The following ASPA variants were observed in gnomAD, a reference collection of about 807,000 sequenced individuals.
The protein encoded by ASPA is aspartoacylase.
Under a neutral mutation model 29.6 loss-of-function variants are expected in ASPA, and 25 were observed. That is an observed-to-expected ratio of 0.85 (90% CI 0.62 to 1.18). ASPA has a LOEUF of 1.18. Among genes scored for constraint, ASPA ranks in the 50% most tolerant of loss-of-function variants. The pLI is 0.00. For missense variants in ASPA, 333 were observed against 385.7 expected, an observed-to-expected ratio of 0.86 and a Z score of 1.14; for synonymous variants, 131 against 130.3, an observed-to-expected ratio of 1.01 and a Z score of -0.04.
At chr17:3,475,990 G>A (rs773058301), upstream of ASPA, 27 of 642,504 alleles carry the variant, frequency 4.2e-5, no homozygotes, top group Non-Finnish European at 5.9e-5. Context: ...GTCCATAAAC[G>A]GGGCTCAGAA....
chr17:3,480,982 T>G (rs958199392), intron 1 of ASPA, among the ~76,000 whole-genome samples: 4 of 152,122 alleles, frequency 2.6e-5, no homozygotes, highest in Non-Finnish European at 5.9e-5. Context: ...TAGCTGGGCA[T>G]GGTGGCACGC....
In ASPA at chr17:3,490,536, C is replaced by T. The variant is rs181272445; in HGVS notation, c.634+1194C>T. Among the ~76,000 whole-genome samples the T allele has an allele frequency of 1.1e-4, 15 of 140,946 alleles. No individual in the cohort carries two copies. In the East Asian group the frequency reaches 1.9e-3, roughly 18 times the overall value. The allele number at this position is 140,946 out of a possible 152,430, so 92.5% of individuals were successfully genotyped here. A position where few individuals can be genotyped will look rare whatever the true frequency, so the allele number is the denominator to read the frequency against. On this transcript the variant is annotated intron_variant, in intron 4 of 5. Transcript: ENST00000263080. The surrounding 1 kb of genome is among the most constrained non-coding windows in gnomAD (Gnocchi z 4.6). ...GGGAGTGAATTCCTCAACCTCAGAT[C>T]GTGCGCACCCCACTGCAATCACAGA...
At chr17:3,477,445 C>T (rs886677901) in intron 1 of ASPA, among the ~76,000 whole-genome samples, 1 of 151,948 alleles carries the variant, frequency 6.6e-6, no homozygotes, top group African/African-American at 2.4e-5. Flanking sequence ...TTGCTTTTTA[C>T]CACTTCTTTC....
intron 5 of ASPA, 90 bp from the exon 6 acceptor site, chr17:3,498,801 C>T (rs2073951524): frequency 8.1e-7 from 1 of 1,227,208 alleles, no homozygotes; most frequent in Non-Finnish European, 1.1e-6. Flanking sequence ...CAACAGAATA[C>T]TGTAATTTGT....
intron 3 of ASPA, among the ~76,000 whole-genome samples, chr17:3,484,595 A>G (rs1221453278): frequency 1.3e-5 from 2 of 152,210 alleles, no homozygotes; most frequent in Non-Finnish European, 2.9e-5. Flanking sequence ...TCTGTGATGA[A>G]AGGCCATTGC....
At chr17:3,477,819 C>A (rs1477986349) in intron 1 of ASPA, among the ~76,000 whole-genome samples, 2 of 151,988 alleles carry the variant, frequency 1.3e-5, no homozygotes, top group Admixed American at 6.6e-5. Flanking sequence ...GTGCCAGGTA[C>A]TGGGGGAGTA....
At chr17:3,489,071 G>A (rs1165747311) in intron 3 of ASPA, among the ~76,000 whole-genome samples, 164 bp from the exon 4 acceptor site, 2 of 151,980 alleles carry the variant, frequency 1.3e-5, no homozygotes, top group Admixed American at 6.5e-5. Flanking sequence ...TCTGCTTCAC[G>A]TTTTGCCAAA....
chr17:3,499,118 T>C lies in ASPA; in HGVS notation c.*30T>C. On this transcript the variant is annotated 3_prime_UTR_variant, in exon 6 of 6. Transcript: ENST00000263080. ...CACTTCCAGCTTACATCTTACACGG[T>C]GTCTTACAAATTCTGCTAGTCTGTA... 1 of 1,603,048 alleles carries C rather than the reference T, an allele frequency of 6.2e-7. No individual in the cohort carries two copies. Among genetic ancestry groups the C allele is most frequent in the Non-Finnish European group, 8.5e-7 (1 of 1,173,492 alleles).
chr17:3,495,092 GA>G (rs3215041), intron 5 of ASPA, among the ~76,000 whole-genome samples: 210 of 145,874 alleles, frequency 1.4e-3, no homozygotes, highest in African/African-American at 2.8e-3. Flanking sequence ...AGTGAAGAAG[GA>G]AAAAAAAAAG....
rs2073804573 is a variant in ASPA, at chr17:3,490,414, T to C, written c.634+1072T>C. ...ATAGTTGCTTAAAATCAAAGAGACA[T>C]TCTATGTAAACAATTATTCCAACAG... On this transcript the variant is annotated intron_variant, in intron 4 of 5. Transcript: ENST00000263080. This position sits in a 1 kb window ranked among gnomAD's most constrained non-coding sequence, Gnocchi z 4.6. Among the ~76,000 whole-genome samples the C allele has an allele frequency of 6.6e-6, 1 of 152,172 alleles. No individual in the cohort carries two copies. The highest frequency in any genetic ancestry group is 2.1e-4 in the South Asian group (1 of 4,830).
upstream of ASPA, among the ~76,000 whole-genome samples, chr17:3,475,173 A>G (rs1180193629): frequency 6.6e-6 from 1 of 152,224 alleles, no homozygotes; most frequent in Non-Finnish European, 1.5e-5. Flanking sequence ...ATGAAATCAA[A>G]TCAGATTTGG....
intron 4 of ASPA, among the ~76,000 whole-genome samples, chr17:3,492,116 A>AT (rs2073836154): frequency 6.6e-6 from 1 of 152,054 alleles, no homozygotes; most frequent in Non-Finnish European, 1.5e-5. Flanking sequence ...AGCTCAAGCA[A>AT]TCTGCCTGCC....
chr17:3,494,265 A>G, intron 4 of ASPA, 85 bp from the exon 5 acceptor site: 1 of 1,054,526 alleles, frequency 9.5e-7, no homozygotes. Flanking sequence ...CGGCCTCCCA[A>G]AGTGCTGGGA....
intron 5 of ASPA, among the ~76,000 whole-genome samples, chr17:3,497,856 C>G (rs1421736507): frequency 2.6e-5 from 4 of 152,180 alleles, no homozygotes; most frequent in African/African-American, 4.8e-5. Context: ...CACCCCCAAC[C>G]TATAGAATCA....
chr17:3,484,989 C>G (rs2073694530), intron 3 of ASPA, among the ~76,000 whole-genome samples: 1 of 152,074 alleles, frequency 6.6e-6, no homozygotes, highest in African/African-American at 2.4e-5. Context: ...ACAATTCTAA[C>G]TTATAAATGA....
Position 3,499,152 on chromosome 17 carries a change from A to T in ASPA, c.*64A>T, listed in dbSNP as rs1355341776. On this transcript the variant is annotated 3_prime_UTR_variant, in exon 6 of 6. Transcript: ENST00000263080. ...AATTCTGCTAGTCTGTAAGCTCCTT[A>T]AGAGTAGGGTTGTGCCTTATTCAAC... is the stretch of plus-strand genomic sequence containing the variant. The T allele has an allele frequency of 6.5e-7, 1 of 1,545,474 alleles. No individual in the cohort carries two copies. The highest frequency in any genetic ancestry group is 8.8e-7 in the Non-Finnish European group (1 of 1,134,390).
intron 4 of ASPA, among the ~76,000 whole-genome samples, chr17:3,492,130 G>A (rs570569801): frequency 2.0e-5 from 3 of 152,150 alleles, no homozygotes; most frequent in Non-Finnish European, 4.4e-5. Context: ...GCCTGCCTCG[G>A]CTTCCCAAAG....
rs1460690282 is a variant in ASPA at position 3,499,185 on chromosome 17, A to G, written c.*97A>G. On this transcript the variant is annotated 3_prime_UTR_variant, in exon 6 of 6. Coordinates refer to ENST00000263080, the MANE Select transcript of ASPA (RefSeq NM_000049.4). Reference sequence around the variant, plus strand: ...GGTTGTGCCTTATTCAACTGCATACATAGCTCCTAGCACAGTGCCTTATTC... The same window carrying G: ...GGTTGTGCCTTATTCAACTGCATACGTAGCTCCTAGCACAGTGCCTTATTC... 4 of 1,342,726 alleles carry G rather than the reference A, an allele frequency of 3.0e-6. No individual in the cohort carries two copies. The highest frequency in any genetic ancestry group is 2.5e-5 in the East Asian group (1 of 40,134). 83.2% of individuals were successfully genotyped at this position (1,342,726 alleles called of 1,614,324 possible).
At chr17:3,498,829 A>G in intron 5 of ASPA, 62 bp from the exon 6 acceptor site, 1 of 1,373,944 alleles carries the variant, frequency 7.3e-7, no homozygotes, top group Non-Finnish European at 9.6e-7. Context: ...CTAGAGTCTG[A>G]CATAAATTTT....
Sources: gnomAD v4.1 joint callset for allele counts (sites outside exome capture counted in the v4.1 genomes callset) on GRCh38, gnomAD v4.1.1 for gene constraint, Gnocchi (gnomAD v3.1) non-coding constraint, MANE v1.5 for transcripts, NCBI Gene and HGNC (gene_info 2026-07-23, HGNC 2026-07-21) for gene names.